Variants in CDHR2 observed in about 807,000 individuals in gnomAD.
CDHR2 encodes the protein cadherin-related family member 2.
Under a neutral mutation model 138.6 loss-of-function variants are expected in CDHR2, and 104 were observed. That is an observed-to-expected ratio of 0.75 (90% CI 0.64 to 0.88). CDHR2 has a LOEUF of 0.88. CDHR2 is among the 40% of genes least tolerant of loss of function. The pLI is 0.00. For synonymous variants in CDHR2, 755 were observed against 742.8 expected (o/e 1.02, Z -0.27); for missense variants, 1,624 against 1,727.6 (o/e 0.94, Z 1.06).
At position 176,589,314 on chromosome 5, in the gene CDHR2, C is replaced by G. The variant is rs756053270; in HGVS notation, c.3009-16C>G. On this transcript the variant is annotated splice_polypyrimidine_tract_variant and intron_variant, in intron 22 of 31. Coordinates refer to ENST00000261944, the MANE Select transcript of CDHR2 (RefSeq NM_017675.6). Reference sequence around the variant, plus strand: ...CTTGGGTTCCAAGACTGACCTGCGCCTCCCGCCTTCCGCAGGCCGGTGACC... The same window carrying G: ...CTTGGGTTCCAAGACTGACCTGCGCGTCCCGCCTTCCGCAGGCCGGTGACC... The G allele has an allele frequency of 6.4e-7, 1 of 1,555,844 alleles. No individual in the cohort carries two copies. Among genetic ancestry groups the G allele is most frequent in the South Asian group, 1.2e-5 (1 of 80,500 alleles).
Position 176,595,603 on chromosome 5 carries a change from G to C in CDHR2, c.3864G>C (p.Gln1288His), listed in dbSNP as rs143952500. 5.0e-6 allele frequency: 8 copies of C among 1,612,916 alleles called. No individual in the cohort carries two copies. The African/African-American group carries it at 1.1e-4, about 22-fold the overall frequency. Reference sequence around the variant, plus strand: ...TGAGCGTGGTCCTGTTAGGACGGCAGGCAGGCGCAAGTGGACAGCTGGAGG... The same window carrying C: ...TGAGCGTGGTCCTGTTAGGACGGCACGCAGGCGCAAGTGGACAGCTGGAGG... ...EPLSVVLLGR[Q>H]AGASGQLEGP... The change falls in exon 32 of 32, where the codon CAG becomes CAC. Residue 1288 changes from glutamine (Q) to histidine (H), a missense_variant. Coordinates refer to ENST00000261944, the MANE Select transcript of CDHR2 (RefSeq NM_017675.6).
intron 1 of CDHR2, among the ~76,000 whole-genome samples, chr5:176,560,947 G>A (rs1401353608): frequency 6.6e-6 from 1 of 151,704 alleles, no homozygotes; most frequent in African/African-American, 2.4e-5. Flanking sequence ...CGGGAAGCAC[G>A]TAGCCAGATC....
At chr5:176,571,337 G>T in intron 6 of CDHR2, 35 bp downstream of exon 6, 1 of 1,498,254 alleles carries the variant, frequency 6.7e-7, no homozygotes, top group Non-Finnish European at 9.1e-7. Context: ...TGGGGCAGGG[G>T]GCATCCCAAA....
At chr5:176,552,543 T>A (rs1370177615) in intron 1 of CDHR2, among the ~76,000 whole-genome samples, 2 of 152,092 alleles carry the variant, frequency 1.3e-5, no homozygotes, top group Non-Finnish European at 2.9e-5. Flanking sequence ...TGGAGGAGAT[T>A]TGAGCTTGGG....
chr5:176,547,415 T>A (rs78895595), upstream of CDHR2: 6 of 138,888 alleles, frequency 4.3e-5, no homozygotes, highest in African/African-American at 1.3e-4. Flanking sequence ...TATATATATA[T>A]AATTTGTTTA....
intron 30 of CDHR2, chr5:176,591,745 A>G (rs1216801837): frequency 2.4e-5 from 5 of 212,534 alleles, no homozygotes; most frequent in East Asian, 7.1e-5. Flanking sequence ...TGTGATGGTG[A>G]TGGTGGTGAT....
rs773701708 is a variant in CDHR2 at position 176,577,464 on chromosome 5, G to A, written c.1260G>A (p.Pro420=). Residue 420 remains proline (P), a synonymous_variant, in exon 13 of 32, where the codon CCG becomes CCA. Coordinates refer to ENST00000261944, the MANE Select transcript of CDHR2 (RefSeq NM_017675.6). ...ATGCAGAAGCCTTCAGCGTCTCCCC[G>A]GAGCGGGCAGTGGGCTCAGCCTCCG... is the stretch of plus-strand genomic sequence containing the variant. ...GPDAEAFSVS[P]ERAVGSASVQ... is the part of the protein sequence containing the mutation. 1.6e-5 allele frequency: 26 copies of A among 1,609,962 alleles called. No homozygotes were observed. The highest frequency in any genetic ancestry group is 5.5e-5 in the South Asian group (5 of 90,238).
chr5:176,571,037 C>CAAAAAAAAAAAAAA (rs535234193), intron 5 of CDHR2, among the ~76,000 whole-genome samples, 176 bp from the exon 6 acceptor site: 5 of 53,276 alleles, frequency 9.4e-5, no homozygotes, highest in Non-Finnish European at 1.4e-4. Flanking sequence ...CTGGTCTCTA[C>CAAAAAAAAAAAAAA]AAAAAAAAAA....
At chr5:176,571,667 G>C (rs1758235178) in intron 6 of CDHR2, among the ~76,000 whole-genome samples, 1 of 152,148 alleles carries the variant, frequency 6.6e-6, no homozygotes, top group Admixed American at 6.5e-5. Flanking sequence ...CTCCCAAGTA[G>C]CTGGGACTAC....
At chr5:176,577,281 C>T in intron 12 of CDHR2, 118 bp from the exon 13 acceptor site, 1 of 1,119,540 alleles carries the variant, frequency 8.9e-7, no homozygotes, top group Admixed American at 2.6e-5. Flanking sequence ...TTTTGAGAGC[C>T]CCCTTCCATG....
chr5:176,572,152 G>C (rs1758250353), intron 6 of CDHR2, among the ~76,000 whole-genome samples: 1 of 151,668 alleles, frequency 6.6e-6, no homozygotes, highest in African/African-American at 2.4e-5. Flanking sequence ...GGGAGGCTGA[G>C]GTGGGCGGAT....
At chr5:176,557,499 C>G (rs562693962) in intron 1 of CDHR2, among the ~76,000 whole-genome samples, 1 of 151,700 alleles carries the variant, frequency 6.6e-6, no homozygotes, top group African/African-American at 2.4e-5. Context: ...AGCCACTGTG[C>G]CTGGCCTCAT....
chr5:176,589,448 G>A lies in CDHR2; in HGVS notation c.3117+10G>A, dbSNP rs369387967. The A allele has an allele frequency of 1.9e-6, 3 of 1,608,676 alleles. No homozygotes were observed. The highest frequency in any genetic ancestry group is 2.7e-5 in the African/African-American group (2 of 74,838). The stretch of plus-strand genomic sequence containing the variant: ...CACCACCACCCTGAATGTGAGTGCT[G>A]GTCCCACCTCCAGCCCCCAACGCCC... On this transcript the variant is annotated intron_variant, in intron 23 of 31. Coordinates refer to ENST00000261944, the MANE Select transcript of CDHR2 (RefSeq NM_017675.6).
At chr5:176,566,217 T>G (rs1257241431) in intron 3 of CDHR2, among the ~76,000 whole-genome samples, 1 of 152,154 alleles carries the variant, frequency 6.6e-6, no homozygotes, top group Non-Finnish European at 1.5e-5. Flanking sequence ...TGAGATGGGT[T>G]TTGAGATGTA....
Position 176,590,693 on chromosome 5 carries a change from G to A in CDHR2, c.3539+6G>A, listed in dbSNP as rs994835005. The A allele has an allele frequency of 4.3e-6, 7 of 1,612,558 alleles. No individual in the cohort carries two copies. In the African/African-American group the frequency reaches 5.3e-5, roughly 12 times the overall value. Reference sequence around the variant, plus strand: ...TTCGTGTGTGTGCGGAAGAGGTGCGGCTCCCATTGCCCCCGTGTCTCCAAC... The same window carrying A: ...TTCGTGTGTGTGCGGAAGAGGTGCGACTCCCATTGCCCCCGTGTCTCCAAC... On this transcript the variant is annotated splice_donor_region_variant and intron_variant, in intron 28 of 31. Transcript: ENST00000261944.
intron 30 of CDHR2, among the ~76,000 whole-genome samples, chr5:176,592,102 G>GTGA (rs1758878079): frequency 8.8e-6 from 1 of 114,090 alleles, no homozygotes; most frequent in Non-Finnish European, 2.1e-5. Context: ...GGTGATGGTG[G>GTGA]TGGTGATGGT....
chr5:176,577,272 T>G, intron 12 of CDHR2, 127 bp from the exon 13 acceptor site: 1 of 1,061,814 alleles, frequency 9.4e-7, no homozygotes, highest in Non-Finnish European at 1.4e-6. Flanking sequence ...CTCGCAGTCT[T>G]TTGAGAGCCC....
At chr5:176,554,702 C>T (rs1468952003) in intron 1 of CDHR2, among the ~76,000 whole-genome samples, 2 of 152,172 alleles carry the variant, frequency 1.3e-5, no homozygotes, top group South Asian at 4.1e-4. Flanking sequence ...GCTCTGTCTC[C>T]CAGGCTGGAG....
At chr5:176,565,210 T>A (rs748066348) in intron 1 of CDHR2, 128 bp from the exon 2 acceptor site, 7 of 693,542 alleles carry the variant, frequency 1.0e-5, no homozygotes, top group African/African-American at 3.5e-5. Flanking sequence ...CAGAGGGTGA[T>A]AGAGGCCCTG....
Sources: gnomAD v4.1 joint callset for allele counts (sites outside exome capture counted in the v4.1 genomes callset) on GRCh38, gnomAD v4.1.1 for gene constraint, MANE v1.5 for transcripts, NCBI Gene and HGNC (gene_info 2026-07-23, HGNC 2026-07-21) for gene names.